The following TBC1D9 variants were observed in gnomAD, a reference collection of about 807,000 sequenced individuals.
The protein encoded by TBC1D9 is TBC1 domain family member 9.
TBC1D9 carries 63 observed loss-of-function variants against 132.0 expected under a neutral mutation model. The ratio of observed to expected loss-of-function variants is 0.48; its 90% CI spans 0.39 to 0.59. The LOEUF (loss-of-function observed/expected upper bound fraction) is 0.59, where lower values mean the gene tolerates loss of function less well. Ranked by LOEUF, TBC1D9 falls within the 20% of genes least tolerant of loss-of-function variation. The pLI is 0.00. For missense variants in TBC1D9, 1,261 were observed against 1,592.7 expected (o/e 0.79, Z 3.54); for synonymous variants, 610 against 609.9 (o/e 1.00, Z 0.00).
chr4:140,721,539 T>G (rs914147481), intron 1 of TBC1D9, among the ~76,000 whole-genome samples: 4 of 151,986 alleles, frequency 2.6e-5, no homozygotes, highest in Admixed American at 2.0e-4. Context: ...TTCAAGGGAG[T>G]TGAGGATGCT....
chr4:140,666,315 T>C (rs1737442927), intron 9 of TBC1D9, among the ~76,000 whole-genome samples: 1 of 152,166 alleles, frequency 6.6e-6, no homozygotes, highest in Non-Finnish European at 1.5e-5. Context: ...ACTACCAGTC[T>C]GTATTTCCAA....
chr4:140,681,061 T>C (rs1473777874), intron 3 of TBC1D9, among the ~76,000 whole-genome samples: 5 of 152,190 alleles, frequency 3.3e-5, no homozygotes, highest in African/African-American at 4.8e-5. Context: ...CCTAGACCCA[T>C]GTACATTTTT....
intron 1 of TBC1D9, among the ~76,000 whole-genome samples, chr4:140,747,500 A>C (rs1560903603): frequency 6.6e-6 from 1 of 152,244 alleles, no homozygotes; most frequent in African/African-American, 2.4e-5. Flanking sequence ...ATGTCAGATA[A>C]GATAATCTAT....
chr4:140,746,328 C>T (rs901829400), intron 1 of TBC1D9, among the ~76,000 whole-genome samples: 2 of 152,098 alleles, frequency 1.3e-5, no homozygotes, highest in African/African-American at 4.8e-5. Context: ...AACTTGAAGC[C>T]CCTACGTTCT....
intron 13 of TBC1D9, among the ~76,000 whole-genome samples, chr4:140,647,228 T>C (rs1372037013): frequency 2.0e-5 from 3 of 152,152 alleles, no homozygotes; most frequent in African/African-American, 7.2e-5. Context: ...CTTTAGTGAG[T>C]CTAGACTGCT....
At chr4:140,738,025 G>A (rs1738701959) in intron 1 of TBC1D9, among the ~76,000 whole-genome samples, 1 of 152,134 alleles carries the variant, frequency 6.6e-6, no homozygotes. Context: ...ATGATCCTAT[G>A]AAAACTTTAA....
At chr4:140,713,024 A>T (rs770621578) in intron 1 of TBC1D9, among the ~76,000 whole-genome samples, 1 of 152,212 alleles carries the variant, frequency 6.6e-6, no homozygotes, top group East Asian at 1.9e-4. Flanking sequence ...ATATGTCTAC[A>T]TGTAAGTGTG....
intron 13 of TBC1D9, chr4:140,643,007 G>T: frequency 1.3e-6 from 1 of 776,704 alleles, no homozygotes; most frequent in Non-Finnish European, 2.1e-6. Context: ...GTTCCAGGAC[G>T]TCCATGTCCT....
At chr4:140,626,094 A>G (rs1352416939) in intron 18 of TBC1D9, among the ~76,000 whole-genome samples, 1 of 152,260 alleles carries the variant, frequency 6.6e-6, no homozygotes, top group East Asian at 1.9e-4. Context: ...ATGTCTACTA[A>G]GAAATGTGTG....
intron 1 of TBC1D9, among the ~76,000 whole-genome samples, chr4:140,749,172 C>T (rs1455830918): frequency 6.6e-6 from 1 of 151,630 alleles, no homozygotes; most frequent in Non-Finnish European, 1.5e-5. Flanking sequence ...TTGAGACCAG[C>T]CTGGGCAACA....
intron 3 of TBC1D9, among the ~76,000 whole-genome samples, chr4:140,683,115 T>G (rs1465116017): frequency 2.0e-5 from 3 of 152,144 alleles, no homozygotes; most frequent in Non-Finnish European, 4.4e-5. Flanking sequence ...TGACCTCAGG[T>G]GATCTGCCTG....
chr4:140,687,994 T>C (rs1355990799), intron 2 of TBC1D9, among the ~76,000 whole-genome samples: 1 of 151,390 alleles, frequency 6.6e-6, no homozygotes, highest in African/African-American at 2.4e-5. Context: ...GAGGAGGAGG[T>C]GAGAGGTCCA....
rs35813378 is a variant in TBC1D9 at position 140,641,090 on chromosome 4, C to CAAAAAAAAAAAAAAAAA, written c.2338-1663_2338-1662insTTTTTTTTTTTTTTTTT. On this transcript the variant is annotated intron_variant, in intron 13 of 20. Transcript: ENST00000442267. ...TAAATCTTACAATCATAATACTAAG[C>CAAAAAAAAAAAAAAAAA]AAAAAAAAAAAAAACAAAAAAAAAC... 6.2e-3 allele frequency among the ~76,000 whole-genome samples: 215 copies of CAAAAAAAAAAAAAAAAA among 34,932 alleles called. 10 individuals carry two copies. Among genetic ancestry groups the CAAAAAAAAAAAAAAAAA allele is most frequent in the Non-Finnish European group, 7.0e-3 (140 of 20,128 alleles). The allele number at this position is 34,932 out of a possible 152,430, so 22.9% of individuals were successfully genotyped here.
At chr4:140,629,244 C>T (rs969305340) in intron 16 of TBC1D9, among the ~76,000 whole-genome samples, 3 of 152,176 alleles carry the variant, frequency 2.0e-5, no homozygotes, top group Admixed American at 1.3e-4. Flanking sequence ...ACTGAAAGTT[C>T]TTCTGTAATT....
intron 15 of TBC1D9, among the ~76,000 whole-genome samples, chr4:140,636,122 A>G (rs1181326793): frequency 6.6e-6 from 1 of 152,116 alleles, no homozygotes; most frequent in Non-Finnish European, 1.5e-5. Context: ...TGCCCTTCAG[A>G]TCATCTCCCT....
intron 2 of TBC1D9, among the ~76,000 whole-genome samples, chr4:140,695,533 G>T (rs1029764633): frequency 1.3e-5 from 2 of 152,158 alleles, no homozygotes; most frequent in Non-Finnish European, 2.9e-5. Flanking sequence ...ACTGCCAGCA[G>T]CTCCTTCTGT....
At chr4:140,710,741 G>A (rs961546679) in intron 1 of TBC1D9, among the ~76,000 whole-genome samples, 5 of 152,120 alleles carry the variant, frequency 3.3e-5, no homozygotes, top group Non-Finnish European at 5.9e-5. Context: ...GGGTGGGGGG[G>A]TGGTCTGAGG....
rs143933249 is a variant in TBC1D9, at chr4:140,726,247, C to T, written c.131-24633G>A. ...GAGGCTGCAGTGAGCCAAGACTGCACCACTGAACTCCACCCTGGGCGACGG... is the reference window on the plus strand; with the variant it reads ...GAGGCTGCAGTGAGCCAAGACTGCATCACTGAACTCCACCCTGGGCGACGG... On this transcript the variant is annotated intron_variant, in intron 1 of 20. Transcript: ENST00000442267. 1.6e-3 allele frequency among the ~76,000 whole-genome samples: 244 copies of T among 151,988 alleles called. 1 individual carries two copies. In the Middle Eastern group the frequency reaches 0.024, roughly 15 times the overall value.
chr4:140,688,504 A>C (rs1737823959), intron 2 of TBC1D9, among the ~76,000 whole-genome samples: 1 of 152,086 alleles, frequency 6.6e-6, no homozygotes, highest in Admixed American at 6.6e-5. Flanking sequence ...TCATCTCTAC[A>C]AAAAAATTAA....
Sources: gnomAD v4.1 joint callset for allele counts (sites outside exome capture counted in the v4.1 genomes callset) on GRCh38, gnomAD v4.1.1 for gene constraint, MANE v1.5 for transcripts, NCBI Gene and HGNC (gene_info 2026-07-23, HGNC 2026-07-21) for gene names.